Variants in GALNT13 observed in about 807,000 individuals in gnomAD.
The protein encoded by GALNT13 is UDP-GalNAc:polypeptide N-acetylgalactosaminyltransferase 13.
GALNT13 carries 28 observed loss-of-function variants against 64.2 expected under a neutral mutation model. The observed-to-expected ratio is 0.44, with a 90% CI of 0.32 to 0.60. The LOEUF is 0.60. GALNT13 is among the 20% of genes least tolerant of loss of function. The pLI, the probability that GALNT13 is intolerant of heterozygous loss-of-function variation, is 0.05. For missense variants in GALNT13, 577 were observed against 669.8 expected (o/e 0.86, Z 1.53); for synonymous variants, 214 against 224.6 (o/e 0.95, Z 0.42).
At chr2:154,000,713 G>T (rs1435038767) in intron 3 of GALNT13, among the ~76,000 whole-genome samples, 1 of 151,914 alleles carries the variant, frequency 6.6e-6, no homozygotes, top group Admixed American at 6.6e-5. Flanking sequence ...CCTAAAGTAT[G>T]GTCTATACTG....
the GALNT13 span, among the ~76,000 whole-genome samples, chr2:153,717,288 A>T: frequency 6.6e-6 from 1 of 152,184 alleles, no homozygotes; most frequent in South Asian, 2.1e-4. Flanking sequence ...AGCAAGTTTC[A>T]CTTCCATTCT....
the GALNT13 span, among the ~76,000 whole-genome samples, chr2:153,101,966 TATAG>T: frequency 6.6e-6 from 1 of 152,264 alleles, no homozygotes; most frequent in Non-Finnish European, 1.5e-5. Flanking sequence ...TATTTCAACA[TATAG>T]ATAATGCATA....
intron 3 of GALNT13, among the ~76,000 whole-genome samples, chr2:154,112,168 G>T (rs1023435157): frequency 1.3e-5 from 2 of 152,184 alleles, no homozygotes; most frequent in African/African-American, 2.4e-5. Context: ...CCCAAGTAAT[G>T]GTGCCATATG....
the GALNT13 span, among the ~76,000 whole-genome samples, chr2:153,154,919 G>A: frequency 6.6e-6 from 1 of 152,258 alleles, no homozygotes; most frequent in African/African-American, 2.4e-5. Context: ...CTAGCTTATT[G>A]AGAGTTTTTA....
chr2:154,145,100 C>CTATCTATCTATATA (rs796615512), intron 4 of GALNT13, among the ~76,000 whole-genome samples: 21 of 119,524 alleles, frequency 1.8e-4, no homozygotes, highest in Non-Finnish European at 3.1e-4. Flanking sequence ...ATCTATCTAT[C>CTATCTATCTATATA]TATATATATA....
chr2:154,374,820 C>T (rs1697891139), intron 9 of GALNT13, among the ~76,000 whole-genome samples: 1 of 151,994 alleles, frequency 6.6e-6, no homozygotes, highest in African/African-American at 2.4e-5. Flanking sequence ...TTTTTAACTA[C>T]CCTTGTTTTA....
chr2:153,435,458 T>C, the GALNT13 span, among the ~76,000 whole-genome samples: 3 of 152,230 alleles, frequency 2.0e-5, no homozygotes, highest in South Asian at 2.1e-4. Flanking sequence ...TTCCTACCCA[T>C]GAGCATGGAA....
the GALNT13 span, among the ~76,000 whole-genome samples, chr2:153,077,500 C>T: frequency 6.6e-6 from 1 of 151,934 alleles, no homozygotes; most frequent in African/African-American, 2.4e-5. Context: ...CAGATTGGTT[C>T]CAGTCATAAA....
At chr2:153,344,848 C>G in the GALNT13 span, among the ~76,000 whole-genome samples, 1 of 152,142 alleles carries the variant, frequency 6.6e-6, no homozygotes, top group African/African-American at 2.4e-5. Flanking sequence ...ATCAAAGCAT[C>G]AAGTTATACA....
At chr2:153,241,348 A>T in the GALNT13 span, among the ~76,000 whole-genome samples, 59 of 152,220 alleles carry the variant, frequency 3.9e-4, no homozygotes, top group African/African-American at 1.4e-3. Context: ...TGAGTGCTAA[A>T]CAAGGTGACT....
the GALNT13 span, among the ~76,000 whole-genome samples, chr2:153,207,505 C>T: frequency 6.6e-6 from 1 of 152,032 alleles, no homozygotes; most frequent in African/African-American, 2.4e-5. Flanking sequence ...TGGTGATACT[C>T]CAATTCTAAA....
the GALNT13 span, among the ~76,000 whole-genome samples, chr2:153,708,984 C>A: frequency 6.6e-6 from 1 of 151,846 alleles, no homozygotes; most frequent in Non-Finnish European, 1.5e-5. Flanking sequence ...AAAAATCAAC[C>A]CAAAACGGAT....
intron 2 of GALNT13, among the ~76,000 whole-genome samples, chr2:153,942,611 T>A (rs941178280): frequency 2.0e-5 from 3 of 152,034 alleles, no homozygotes; most frequent in Non-Finnish European, 4.4e-5. Flanking sequence ...TGAAACAAAG[T>A]AGATAATAAC....
chr2:153,697,056 C>T, the GALNT13 span, among the ~76,000 whole-genome samples: 1 of 152,186 alleles, frequency 6.6e-6, no homozygotes, highest in East Asian at 1.9e-4. Context: ...TATGTGTTTC[C>T]CTGCAGGAAA....
At chr2:154,211,460 C>T (rs1687758189) in intron 4 of GALNT13, among the ~76,000 whole-genome samples, 1 of 151,278 alleles carries the variant, frequency 6.6e-6, no homozygotes, top group Non-Finnish European at 1.5e-5. Context: ...AACCCTGTCT[C>T]TACTAAAAAT....
At chr2:153,345,681 T>TTC in the GALNT13 span, among the ~76,000 whole-genome samples, 32 of 144,054 alleles carry the variant, frequency 2.2e-4, no homozygotes, top group Admixed American at 5.7e-4. Flanking sequence ...CTTTCTTTCT[T>TTC]TCTTTCTTTC....
chr2:154,021,539 G>A (rs1230033132), intron 3 of GALNT13, among the ~76,000 whole-genome samples: 1 of 152,112 alleles, frequency 6.6e-6, no homozygotes, highest in Non-Finnish European at 1.5e-5. Context: ...TGTGATTTTT[G>A]TATATTGATT....
the GALNT13 span, among the ~76,000 whole-genome samples, chr2:153,087,734 C>G: frequency 3.3e-5 from 5 of 152,112 alleles, no homozygotes; most frequent in Non-Finnish European, 7.4e-5. Flanking sequence ...TCCATCTCCT[C>G]TAGATTTTCT....
chr2:153,625,178 G>A, the GALNT13 span, among the ~76,000 whole-genome samples: 1 of 151,996 alleles, frequency 6.6e-6, no homozygotes, highest in Non-Finnish European at 1.5e-5. Flanking sequence ...ATGTTATGCT[G>A]CCATTTTCCT....
Sources: gnomAD v4.1 joint callset for allele counts (sites outside exome capture counted in the v4.1 genomes callset) on GRCh38, gnomAD v4.1.1 for gene constraint, MANE v1.5 for transcripts, NCBI Gene and HGNC (gene_info 2026-07-23, HGNC 2026-07-21) for gene names.